AKAP19: variants seen among roughly 807,000 people sequenced by gnomAD.
AKAP19 encodes A-kinase anchoring protein 19, also known as small A-kinase anchoring protein.
the AKAP19 span, among the ~76,000 whole-genome samples, chr2:190,005,741 G>C: frequency 6.6e-6 from 1 of 152,190 alleles, no homozygotes; most frequent in Non-Finnish European, 1.5e-5. Flanking sequence ...TCAAAAGGCA[G>C]TGCTGTTTTC....
chr2:190,175,560 G>C, the AKAP19 span, among the ~76,000 whole-genome samples: 1 of 152,176 alleles, frequency 6.6e-6, no homozygotes, highest in African/African-American at 2.4e-5. Flanking sequence ...TGGGTCTAGA[G>C]CAGCCTAACA....
chr2:189,885,481 G>A, the AKAP19 span, among the ~76,000 whole-genome samples: 1 of 152,196 alleles, frequency 6.6e-6, no homozygotes, highest in African/African-American at 2.4e-5. Context: ...TTCACTCTCA[G>A]CAGCCATCTG....
At chr2:190,057,257 C>T in the AKAP19 span, 2 of 1,613,016 alleles carry the variant, frequency 1.2e-6, no homozygotes, top group Non-Finnish European at 1.7e-6. Flanking sequence ...TAATATAAAT[C>T]TCATGAGCAC....
chr2:190,024,762 A>C, the AKAP19 span, among the ~76,000 whole-genome samples: 4 of 152,150 alleles, frequency 2.6e-5, no homozygotes, highest in Non-Finnish European at 4.4e-5. Flanking sequence ...AATCCAATAT[A>C]CACCTAATAT....
the AKAP19 span, among the ~76,000 whole-genome samples, chr2:190,175,131 G>A: frequency 6.6e-6 from 1 of 152,160 alleles, no homozygotes; most frequent in Non-Finnish European, 1.5e-5. Flanking sequence ...TTATTTCCAG[G>A]CACGTCTACC....
chr2:190,195,568 G>A, the AKAP19 span, among the ~76,000 whole-genome samples: 1 of 152,284 alleles, frequency 6.6e-6, no homozygotes, highest in African/African-American at 2.4e-5. Flanking sequence ...ACTTCCGTGA[G>A]GTGTCTGTCC....
chr2:190,075,738 GT>G, the AKAP19 span, among the ~76,000 whole-genome samples: 2 of 151,808 alleles, frequency 1.3e-5, no homozygotes, highest in East Asian at 1.9e-4. Flanking sequence ...TTTTAAAGTG[GT>G]TTTTTTGGTA....
chr2:189,947,080 G>T, the AKAP19 span, among the ~76,000 whole-genome samples: 1 of 152,158 alleles, frequency 6.6e-6, no homozygotes, highest in Non-Finnish European at 1.5e-5. Context: ...TTATGAAATT[G>T]TTCATTAAGG....
At chr2:190,060,612 C>T in the AKAP19 span, among the ~76,000 whole-genome samples, 1 of 152,052 alleles carries the variant, frequency 6.6e-6, no homozygotes, top group East Asian at 1.9e-4. Flanking sequence ...AATAATTACC[C>T]TAGCTTTTCA....
chr2:189,912,215 G>A, the AKAP19 span, among the ~76,000 whole-genome samples: 2 of 151,674 alleles, frequency 1.3e-5, no homozygotes, highest in Non-Finnish European at 2.9e-5. Flanking sequence ...TCTAACTTAT[G>A]CTGTTATAAT....
chr2:190,107,923 A>C, the AKAP19 span, among the ~76,000 whole-genome samples: 1 of 152,202 alleles, frequency 6.6e-6, no homozygotes, highest in African/African-American at 2.4e-5. Flanking sequence ...GTGGATGAAG[A>C]AAGTGTGGCT....
the AKAP19 span, among the ~76,000 whole-genome samples, chr2:189,900,967 A>G: frequency 5.3e-5 from 8 of 152,256 alleles, no homozygotes; most frequent in East Asian, 3.9e-4. Context: ...CTATCAGCCA[A>G]TGGTCTGGTG....
chr2:190,177,278 T>C, the AKAP19 span, among the ~76,000 whole-genome samples: 1 of 152,184 alleles, frequency 6.6e-6, no homozygotes, highest in East Asian at 1.9e-4. This position sits in a 1 kb window ranked among gnomAD's most constrained non-coding sequence, Gnocchi z 4.6. Flanking sequence ...AGTGTCATTT[T>C]CTATTCTTTA....
At chr2:190,096,891 C>G in the AKAP19 span, among the ~76,000 whole-genome samples, 1 of 152,020 alleles carries the variant, frequency 6.6e-6, no homozygotes, top group Admixed American at 6.6e-5. Flanking sequence ...AGAGACAGCC[C>G]AACTCTCCCT....
chr2:189,930,384 AAATTG>A, the AKAP19 span: 7 of 379,458 alleles, frequency 1.8e-5, no homozygotes, highest in African/African-American at 1.1e-4. Context: ...TGCACGGTAG[AAATTG>A]AATTGGGGCT....
the AKAP19 span, among the ~76,000 whole-genome samples, chr2:189,907,161 C>T: frequency 6.6e-6 from 1 of 152,158 alleles, no homozygotes; most frequent in Non-Finnish European, 1.5e-5. Flanking sequence ...TGTAGACCTT[C>T]CAGTGACTTT....
At chr2:189,908,254 C>T in the AKAP19 span, among the ~76,000 whole-genome samples, 1 of 149,408 alleles carries the variant, frequency 6.7e-6, no homozygotes, top group African/African-American at 2.5e-5. Context: ...AGTGCAGTGG[C>T]ATGATCTCGG....
the AKAP19 span, among the ~76,000 whole-genome samples, chr2:190,011,236 T>A: frequency 2.0e-5 from 3 of 151,824 alleles, no homozygotes; most frequent in Non-Finnish European, 4.4e-5. Context: ...TTTTTGTATT[T>A]CTTTAGTAGA....
chr2:190,128,619 A>G, the AKAP19 span, among the ~76,000 whole-genome samples: 27 of 152,236 alleles, frequency 1.8e-4, 1 homozygote, highest in Admixed American at 1.3e-4. Flanking sequence ...TACGTCTTCA[A>G]TGAATGCTTA....
Sources: allele counts gnomAD v4.1 joint callset (sites outside exome capture counted in the v4.1 genomes callset), GRCh38; gene constraint gnomAD v4.1.1; non-coding constraint Gnocchi (gnomAD v3.1); transcripts MANE v1.5; gene names NCBI Gene and HGNC (gene_info 2026-07-23, HGNC 2026-07-21).